NOVA2: variants seen among roughly 807,000 people sequenced by gnomAD.
NOVA2 encodes RNA-binding protein Nova-2.
In NOVA2, 9 loss-of-function variants were observed where a neutral mutation model predicts 22.5. The ratio of observed to expected loss-of-function variants is 0.40; its 90% CI spans 0.24 to 0.70. The LOEUF is 0.70. Among genes scored for constraint, NOVA2 ranks in the 30% least tolerant of loss-of-function variants. NOVA2 has a pLI of 0.38. For missense variants in NOVA2, 383 were observed against 682.8 expected (o/e 0.56, Z 4.89); for synonymous variants, 318 against 335.2 (o/e 0.95, Z 0.56).
intron 3 of NOVA2, 128 bp downstream of exon 3, chr19:45,953,652 G>A (rs1372963108): frequency 8.9e-7 from 1 of 1,120,450 alleles, no homozygotes; most frequent in East Asian, 2.4e-5. Context: ...ACTACCATGT[G>A]GTCTTTGACT....
At chr19:45,971,919 A>G (rs1321615738) in intron 1 of NOVA2, among the ~76,000 whole-genome samples, 1 of 150,914 alleles carries the variant, frequency 6.6e-6, no homozygotes, top group Non-Finnish European at 1.5e-5. Context: ...TGGTACACAC[A>G]CCTCCTTGGG....
At position 45,940,533 on chromosome 19, in the gene NOVA2, G is replaced by T. The variant is rs1264609774; in HGVS notation, c.809C>A (p.Ala270Asp). Residue 270 changes from alanine (A) to aspartate (D), a missense_variant, in exon 4 of 4, where the codon GCC (alanine) becomes GAC (aspartate). By Grantham distance (126) the Ala-to-Asp change is moderately radical (BLOSUM62 -2). Coordinates refer to ENST00000263257, the MANE Select transcript of NOVA2 (RefSeq NM_002516.4). Reference sequence around the variant, plus strand: ...GGCCAGCAGGTCGGTGCCTGAGAAGGCGGGCAGCGCGGCGGGAAAGGCCCC... The same window carrying T: ...GGCCAGCAGGTCGGTGCCTGAGAAGTCGGGCAGCGCGGCGGGAAAGGCCCC... ...GVGAFPAALP[A>D]FSGTDLLAIS... is the part of the protein sequence containing the mutation. 6.7e-7 allele frequency: 1 copy of T among 1,500,978 alleles called. No homozygotes were observed. Among genetic ancestry groups the T allele is most frequent in the South Asian group, 1.2e-5 (1 of 81,278 alleles). 93.0% of individuals were successfully genotyped at this position (1,500,978 alleles called of 1,614,324 possible). A position where few individuals can be genotyped will look rare whatever the true frequency, so the allele number is the denominator to read the frequency against.
In NOVA2 at chr19:45,934,171, T is replaced by C. The variant is rs1460394474; in HGVS notation, c.*5692A>G. The C allele has an allele frequency of 6.6e-6, 1 of 151,928 alleles. No homozygotes were observed. The highest frequency in any genetic ancestry group is 1.5e-5 in the Non-Finnish European group (1 of 67,994). 9.4% of individuals were successfully genotyped at this position (151,928 alleles called of 1,614,324 possible). On this transcript the variant is annotated 3_prime_UTR_variant, in exon 4 of 4. Transcript: ENST00000263257. ...CCAAGGGACCTTAGAGGTCCTCCAG[T>C]CCTCCCCATATTCCAAGAGGGAGAA...
chr19:45,959,821 G>GAGA (rs1968068085), intron 2 of NOVA2, among the ~76,000 whole-genome samples: 1 of 136,648 alleles, frequency 7.3e-6, no homozygotes. Flanking sequence ...AGACAGAGAG[G>GAGA]GAGAGAGAGA....
Position 45,972,165 on chromosome 19 carries a change from C to T in NOVA2, c.85+1102G>A, listed in dbSNP as rs550179949. On this transcript the variant is annotated intron_variant, in intron 1 of 3. Transcript: ENST00000263257. ...ACACGTGCCCTGTCACATGGGGACC[C>T]ATCCTTCCTTCTCCTTTTTACACAC... Among the ~76,000 whole-genome samples, 5 of 151,932 alleles carry T rather than the reference C, an allele frequency of 3.3e-5. No homozygotes were observed. The South Asian group carries it at 8.3e-4, about 25-fold the overall frequency.
chr19:45,972,492 A>T (rs1236401682), intron 1 of NOVA2, among the ~76,000 whole-genome samples: 5 of 152,032 alleles, frequency 3.3e-5, no homozygotes, highest in Non-Finnish European at 7.4e-5. Flanking sequence ...CTCATGTGTC[A>T]CACTCTGCCA....
intron 3 of NOVA2, 111 bp downstream of exon 3, chr19:45,953,669 A>T: frequency 1.5e-6 from 2 of 1,367,758 alleles, no homozygotes; most frequent in Non-Finnish European, 2.1e-6. Context: ...GACTGATGAG[A>T]TTTTTATCAG....
intron 3 of NOVA2, among the ~76,000 whole-genome samples, chr19:45,947,382 T>A (rs1224765897): frequency 6.6e-6 from 1 of 151,622 alleles, no homozygotes; most frequent in Non-Finnish European, 1.5e-5. Context: ...AGTGGTAGAG[T>A]ACTATGCAAT....
At chr19:45,958,562 G>A (rs544592007) in intron 2 of NOVA2, among the ~76,000 whole-genome samples, 1 of 144,480 alleles carries the variant, frequency 6.9e-6, no homozygotes, top group East Asian at 1.9e-4. Context: ...CGTGTGTGTG[G>A]GTGTGAGGGT....
intron 2 of NOVA2, 86 bp downstream of exon 2, chr19:45,960,924 C>G: frequency 7.2e-7 from 1 of 1,389,090 alleles, no homozygotes. Context: ...TTAGGGCAGA[C>G]CTTCCCCCTC....
chr19:45,972,393 C>T (rs576411932), intron 1 of NOVA2, among the ~76,000 whole-genome samples: 84 of 151,732 alleles, frequency 5.5e-4, no homozygotes, highest in East Asian at 1.4e-3. Flanking sequence ...GACCCCTTTC[C>T]TCTGATCTAC....
intron 1 of NOVA2, among the ~76,000 whole-genome samples, 153 bp downstream of exon 1, chr19:45,973,114 C>T (rs1185220641): frequency 2.7e-5 from 4 of 150,160 alleles, no homozygotes; most frequent in African/African-American, 9.8e-5. Context: ...GGGTCCAGCC[C>T]CCTCCTCAAC....
At chr19:45,942,417 G>A (rs1008305786) in intron 3 of NOVA2, among the ~76,000 whole-genome samples, 1 of 152,122 alleles carries the variant, frequency 6.6e-6, no homozygotes, top group African/African-American at 2.4e-5. Flanking sequence ...CAACCCTGCT[G>A]ACACCTTGAT....
At chr19:45,949,173 G>C (rs897351876) in intron 3 of NOVA2, among the ~76,000 whole-genome samples, 2 of 152,046 alleles carry the variant, frequency 1.3e-5, no homozygotes, top group Non-Finnish European at 2.9e-5. Flanking sequence ...ATGGGCACAA[G>C]GTTTCTTTTT....
Position 45,943,431 on chromosome 19 carries a change from C to T in NOVA2, c.397-2486G>A, listed in dbSNP as rs114696642. ...GCCTGTTTTTAAATCTCTGAGCCCA[C>T]GTCTGGGCACGGTGGCTCACGCCTG... is the stretch of plus-strand genomic sequence containing the variant. On this transcript the variant is annotated intron_variant, in intron 3 of 3. Coordinates refer to ENST00000263257, the MANE Select transcript of NOVA2 (RefSeq NM_002516.4). Among the ~76,000 whole-genome samples, 556 of 150,900 alleles carry T rather than the reference C, an allele frequency of 3.7e-3. 3 individuals carry two copies. Among genetic ancestry groups the T allele is most frequent in the African/African-American group, 0.013 (522 of 41,162 alleles).
At chr19:45,953,174 G>A (rs906110595) in intron 3 of NOVA2, among the ~76,000 whole-genome samples, 3 of 152,200 alleles carry the variant, frequency 2.0e-5, no homozygotes, top group African/African-American at 7.2e-5. Flanking sequence ...GGACAGGCCC[G>A]GGAAGCGATT....
rs547440624 is a variant in NOVA2, at chr19:45,966,007, G to C, written c.86-4854C>G. On this transcript the variant is annotated intron_variant, in intron 1 of 3. Transcript: ENST00000263257. The stretch of plus-strand genomic sequence containing the variant: ...AGTGCTTATCACAGCATCAGACACA[G>C]AGCAAGCACCCTATACGTGGGGTTT... Among the ~76,000 whole-genome samples, 162 of 152,336 alleles carry C rather than the reference G, an allele frequency of 1.1e-3. 1 individual carries two copies. Among genetic ancestry groups the C allele is most frequent in the African/African-American group, 3.8e-3 (157 of 41,584 alleles).
At chr19:45,955,053 G>C (rs996933786) in intron 2 of NOVA2, among the ~76,000 whole-genome samples, 3 of 152,114 alleles carry the variant, frequency 2.0e-5, no homozygotes, top group African/African-American at 7.2e-5. Context: ...TGATGATGAA[G>C]GTTATGTAGA....
intron 1 of NOVA2, among the ~76,000 whole-genome samples, chr19:45,970,529 C>A (rs772870433): frequency 4.6e-5 from 7 of 151,970 alleles, no homozygotes; most frequent in Non-Finnish European, 1.0e-4. Flanking sequence ...GCGCCCACCA[C>A]CATGCCCCGA....
Sources: allele counts gnomAD v4.1 joint callset (sites outside exome capture counted in the v4.1 genomes callset), GRCh38; gene constraint gnomAD v4.1.1; transcripts MANE v1.5; gene names NCBI Gene and HGNC (gene_info 2026-07-23, HGNC 2026-07-21).